PLAGL1: variants seen among roughly 807,000 people sequenced by gnomAD.
PLAGL1 encodes zinc finger protein PLAGL1.
In PLAGL1, 1 loss-of-function variant was observed where a neutral mutation model predicts 4.6. That is an observed-to-expected ratio of 0.22 (90% CI 0.08 to 1.03). The LOEUF (loss-of-function observed/expected upper bound fraction) is 1.03. Ranked by LOEUF, PLAGL1 falls within the 50% of genes least tolerant of loss-of-function variation. PLAGL1 has a pLI of 0.58. For synonymous variants in PLAGL1, 240 were observed against 237.8 expected, an observed-to-expected ratio of 1.01 and a Z score of -0.08; for missense variants, 464 against 570.4, an observed-to-expected ratio of 0.81 and a Z score of 1.90.
chr6:143,946,753 C>T (rs954312882), intron 7 of PLAGL1, among the ~76,000 whole-genome samples: 5 of 152,162 alleles, frequency 3.3e-5, no homozygotes, highest in East Asian at 1.9e-4. Flanking sequence ...TCTCTCCAGG[C>T]GTTTGTATGT....
intron 1 of PLAGL1, among the ~76,000 whole-genome samples, chr6:144,020,875 T>G (rs975726964): frequency 1.4e-5 from 2 of 146,470 alleles, no homozygotes; most frequent in Non-Finnish European, 3.0e-5. Context: ...ATAAAATATA[T>G]AGTATAATTT....
chr6:143,974,346 A>G (rs1786022429), intron 2 of PLAGL1, among the ~76,000 whole-genome samples: 2 of 151,258 alleles, frequency 1.3e-5, no homozygotes, highest in African/African-American at 4.9e-5. Context: ...GGCAGAACAC[A>G]ACCTTCCCAC....
Position 143,979,640 on chromosome 6 carries a change from TA to T in PLAGL1, c.-544+5494del, listed in dbSNP as rs1333386789. ...CCTGACCTTTGTGCAATTATTGTTGTAACTTTTGCTTTTATATGTTATATAC... is the reference window on the plus strand; with the variant it reads ...CCTGACCTTTGTGCAATTATTGTTGTACTTTTGCTTTTATATGTTATATAC... On this transcript the variant is annotated intron_variant, in intron 2 of 7. Transcript: ENST00000674357. This position sits in a 1 kb window ranked among gnomAD's most constrained non-coding sequence, Gnocchi z 4.6. Among the ~76,000 whole-genome samples, 1 of 152,082 alleles carries T rather than the reference TA, an allele frequency of 6.6e-6. No homozygotes were observed. The highest frequency in any genetic ancestry group is 1.5e-5 in the Non-Finnish European group (1 of 67,940).
In PLAGL1 at chr6:143,948,368, AG is replaced by A. The variant is rs890967690; in HGVS notation, c.-233del. ...CCAGTTTACATGCAGTCTCAAGCTG[AG>A]GGGAGAAAGTCTGAGGCACAGGTGC... is the stretch of plus-strand genomic sequence containing the variant. On this transcript the variant is annotated 5_prime_UTR_variant, in exon 7 of 8. An upstream open reading frame in the 5' UTR loses its in-frame stop. Coordinates refer to ENST00000674357, the MANE Select transcript of PLAGL1 (RefSeq NM_001317162.2). This position sits in a 1 kb window ranked among gnomAD's most constrained non-coding sequence, Gnocchi z 6.0. 1 of 480,030 alleles carries A rather than the reference AG, an allele frequency of 2.1e-6. No individual in the cohort carries two copies. Among genetic ancestry groups the A allele is most frequent in the Admixed American group, 3.4e-5 (1 of 29,562 alleles). The allele number at this position is 480,030 out of a possible 1,614,324, so 29.7% of individuals were successfully genotyped here. A position where few individuals can be genotyped will look rare whatever the true frequency, so the allele number is the denominator to read the frequency against.
intron 1 of PLAGL1, among the ~76,000 whole-genome samples, chr6:144,023,663 C>G (rs1311128111): frequency 6.6e-6 from 1 of 150,650 alleles, no homozygotes; most frequent in African/African-American, 2.5e-5. Flanking sequence ...GTGGTGGGAG[C>G]TAGGTTTCTC....
In PLAGL1 at chr6:143,982,348, G is replaced by C. The variant is rs1286571357; in HGVS notation, c.-544+2787C>G. On this transcript the variant is annotated intron_variant, in intron 2 of 7. Transcript: ENST00000674357. The surrounding 1 kb of genome is among the most constrained non-coding windows in gnomAD (Gnocchi z 5.3). Reference sequence around the variant, plus strand: ...GGGTACAATAATTGCAAAACTCGATGCAGAAACAAGAAAACTGGTATGGCT... The same window carrying C: ...GGGTACAATAATTGCAAAACTCGATCCAGAAACAAGAAAACTGGTATGGCT... Among the ~76,000 whole-genome samples, 1 of 152,114 alleles carries C rather than the reference G, an allele frequency of 6.6e-6. No individual in the cohort carries two copies. The highest frequency in any genetic ancestry group is 1.5e-5 in the Non-Finnish European group (1 of 68,000).
intron 1 of PLAGL1, among the ~76,000 whole-genome samples, chr6:144,041,655 T>G (rs1296779165): frequency 6.6e-6 from 1 of 152,236 alleles, no homozygotes; most frequent in African/African-American, 2.4e-5. Context: ...AATATCTGCA[T>G]GTGTCTTCAT....
Position 144,004,479 on chromosome 6 carries a change from AT to A in PLAGL1, c.-584+3610del, listed in dbSNP as rs1476459635. On this transcript the variant is annotated intron_variant, in intron 1 of 7. Transcript: ENST00000674357. This position sits in a 1 kb window ranked among gnomAD's most constrained non-coding sequence, Gnocchi z 4.2. ...TATACATGCAACATGGATGAATACA[AT>A]GTGAACAAAAGAATAAACTGTATGA... Among the ~76,000 whole-genome samples the A allele has an allele frequency of 1.3e-5, 2 of 152,266 alleles. No homozygotes were observed. The highest frequency in any genetic ancestry group is 2.9e-5 in the Non-Finnish European group (2 of 68,038).
In PLAGL1 at chr6:143,984,132, T is replaced by A. The variant is rs940241995; in HGVS notation, c.-544+1003A>T. On this transcript the variant is annotated intron_variant, in intron 2 of 7. Coordinates refer to ENST00000674357, the MANE Select transcript of PLAGL1 (RefSeq NM_001317162.2). This position sits in a 1 kb window ranked among gnomAD's most constrained non-coding sequence, Gnocchi z 5.5. ...TAGGCCTAACTCCAAGTCAGCTGTTTTAAGCTAATCCAACTGTCCTTTTAT... is the reference window on the plus strand; with the variant it reads ...TAGGCCTAACTCCAAGTCAGCTGTTATAAGCTAATCCAACTGTCCTTTTAT... 6.6e-6 allele frequency among the ~76,000 whole-genome samples: 1 copy of A among 152,210 alleles called. No individual in the cohort carries two copies. Among genetic ancestry groups the A allele is most frequent in the Non-Finnish European group, 1.5e-5 (1 of 68,034 alleles).
In PLAGL1 at chr6:144,061,915, T is replaced by G. The variant is rs1799439303; in HGVS notation, c.-151+2553A>C. 6.6e-6 allele frequency among the ~76,000 whole-genome samples: 1 copy of G among 152,350 alleles called. No homozygotes were observed. On this transcript the variant is annotated intron_variant, in intron 1 of 3. Coordinates refer to the PLAGL1 transcript ENST00000437412. This position sits in a 1 kb window ranked among gnomAD's most constrained non-coding sequence, Gnocchi z 4.4. ...CAAACCCCTACAACTTGAAAGTGCA[T>G]GCAATTAAAACAATGTATCAATTAT... is the stretch of plus-strand genomic sequence containing the variant.
At chr6:144,013,099 C>A (rs148115481), upstream of PLAGL1, among the ~76,000 whole-genome samples, 476 of 152,322 alleles carry the variant, frequency 3.1e-3, 4 homozygotes, top group East Asian at 0.015. The surrounding 1 kb of genome is among the most constrained non-coding windows in gnomAD (Gnocchi z 4.4). Flanking sequence ...CCCCTCAGGA[C>A]AAATTCCATA....
rs1793997304 is a variant in PLAGL1 at position 144,005,566 on chromosome 6, G to A, written c.-584+2524C>T. On this transcript the variant is annotated intron_variant, in intron 1 of 7. Transcript: ENST00000674357. The surrounding 1 kb of genome is among the most constrained non-coding windows in gnomAD (Gnocchi z 4.6). Reference sequence around the variant, plus strand: ...TCTCAGGTAAATTAAAGAACAAAATGTGGACAAAACATAAACTTAAAAATT... The same window carrying A: ...TCTCAGGTAAATTAAAGAACAAAATATGGACAAAACATAAACTTAAAAATT... 1.3e-5 allele frequency: 2 copies of A among 152,014 alleles called. No individual in the cohort carries two copies. The highest frequency in any genetic ancestry group is 1.3e-4 in the Admixed American group (2 of 15,266). The allele number at this position is 152,014 out of a possible 1,614,324, so 9.4% of individuals were successfully genotyped here.
chr6:144,001,851 T>A (rs80037662), intron 1 of PLAGL1, among the ~76,000 whole-genome samples: 28,936 of 152,020 alleles, frequency 0.19, 3,035 homozygotes, highest in Middle Eastern at 0.24. Context: ...AAATCCAAAT[T>A]GAGATGCATT....
At position 143,949,852 on chromosome 6, in the gene PLAGL1, A is replaced by T. The variant is rs565029381; in HGVS notation, c.-324-1392T>A. On this transcript the variant is annotated intron_variant, in intron 6 of 7. Coordinates refer to ENST00000674357, the MANE Select transcript of PLAGL1 (RefSeq NM_001317162.2). The surrounding 1 kb of genome is among the most constrained non-coding windows in gnomAD (Gnocchi z 5.3). ...AGTTGCTCTTTATTGTTAAAAGTTA[A>T]TTTTTACTTACCTTTTTGGTTACTT... is the stretch of plus-strand genomic sequence containing the variant. 6.6e-6 allele frequency among the ~76,000 whole-genome samples: 1 copy of T among 152,116 alleles called. No homozygotes were observed. The highest frequency in any genetic ancestry group is 2.4e-5 in the African/African-American group (1 of 41,418).
At chr6:144,047,648 G>A (rs1798262097) in intron 1 of PLAGL1, among the ~76,000 whole-genome samples, 1 of 152,074 alleles carries the variant, frequency 6.6e-6, no homozygotes, top group African/African-American at 2.4e-5. Flanking sequence ...ACAGCATGGG[G>A]AAAACCATCC....
intron 1 of PLAGL1, among the ~76,000 whole-genome samples, chr6:144,030,278 A>G (rs1198685476): frequency 6.6e-6 from 1 of 151,134 alleles, no homozygotes; most frequent in Admixed American, 6.6e-5. Context: ...AAAAAAAAAA[A>G]AAAAAGAAGA....
At chr6:144,045,143 C>A (rs894809650) in intron 1 of PLAGL1, among the ~76,000 whole-genome samples, 7 of 151,694 alleles carry the variant, frequency 4.6e-5, no homozygotes, top group Non-Finnish European at 7.4e-5. Context: ...ATCCAATTTG[C>A]CAGTCTGTGT....
chr6:143,943,997 G>A (rs1008532511), intron 7 of PLAGL1, among the ~76,000 whole-genome samples: 2 of 152,138 alleles, frequency 1.3e-5, no homozygotes, highest in East Asian at 1.9e-4. Context: ...AGCATTACAT[G>A]TTAGCATGTC....
In PLAGL1 at chr6:143,961,558, T is replaced by C. The variant is rs1338389861; in HGVS notation, c.-398-1016A>G. On this transcript the variant is annotated intron_variant, in intron 5 of 7. Coordinates refer to ENST00000674357, the MANE Select transcript of PLAGL1 (RefSeq NM_001317162.2). This position sits in a 1 kb window ranked among gnomAD's most constrained non-coding sequence, Gnocchi z 6.5. Reference sequence around the variant, plus strand: ...GTTAATGCATCACAATACAGGAAAATACTGGAGGTGAGCAGGTTATTTGCC... The same window carrying C: ...GTTAATGCATCACAATACAGGAAAACACTGGAGGTGAGCAGGTTATTTGCC... 6.6e-6 allele frequency: 1 copy of C among 152,162 alleles called. No homozygotes were observed. Among genetic ancestry groups the C allele is most frequent in the Non-Finnish European group, 1.5e-5 (1 of 68,022 alleles). 9.4% of individuals were successfully genotyped at this position (152,162 alleles called of 1,614,324 possible).
Sources: gnomAD v4.1 joint callset for allele counts (sites outside exome capture counted in the v4.1 genomes callset) on GRCh38, gnomAD v4.1.1 for gene constraint, Gnocchi (gnomAD v3.1) non-coding constraint, MANE v1.5 for transcripts, NCBI Gene and HGNC (gene_info 2026-07-23, HGNC 2026-07-21) for gene names.